The following EPB41 variants were observed in gnomAD, a reference collection of about 807,000 sequenced individuals.
EPB41 encodes erythrocyte membrane protein band 4.1, also known as protein 4.1.
Under a neutral mutation model 108.0 loss-of-function variants are expected in EPB41, and 65 were observed. The observed-to-expected ratio is 0.60, with a 90% CI of 0.49 to 0.74. The LOEUF is 0.74. Among genes scored for constraint, EPB41 ranks in the 30% least tolerant of loss-of-function variants. EPB41 has a pLI of 0.00. For synonymous variants in EPB41, 336 were observed against 358.9 expected (o/e 0.94, Z 0.72); for missense variants, 875 against 1,037.0 (o/e 0.84, Z 2.15).
chr1:29,095,563 G>A (rs1190138096), intron 16 of EPB41, among the ~76,000 whole-genome samples: 2 of 152,116 alleles, frequency 1.3e-5, no homozygotes, highest in Non-Finnish European at 2.9e-5. Flanking sequence ...GAGAGGCCAG[G>A]AGTTTGAGAT....
intron 1 of EPB41, among the ~76,000 whole-genome samples, chr1:28,967,254 G>A (rs1333438024): frequency 6.6e-6 from 1 of 152,052 alleles, no homozygotes; most frequent in African/African-American, 2.4e-5. Flanking sequence ...TCCTGACCTC[G>A]TGATCCACCC....
chr1:29,063,949 T>C (rs1006200805), intron 15 of EPB41, among the ~76,000 whole-genome samples: 1 of 152,322 alleles, frequency 6.6e-6, no homozygotes. Context: ...GAATATTATT[T>C]CTAACTCATG....
intron 6 of EPB41, among the ~76,000 whole-genome samples, chr1:29,016,238 C>T (rs1444967723): frequency 1.3e-5 from 2 of 151,934 alleles, no homozygotes; most frequent in Non-Finnish European, 2.9e-5. Flanking sequence ...TGCAATGGCA[C>T]GATCCTGGCT....
At chr1:29,080,681 G>T (rs1031804780) in intron 16 of EPB41, among the ~76,000 whole-genome samples, 2 of 152,148 alleles carry the variant, frequency 1.3e-5, no homozygotes, top group Non-Finnish European at 2.9e-5. Flanking sequence ...GAGCCACTGA[G>T]CCTGGTTTTG....
chr1:28,993,274 C>T lies in EPB41; in HGVS notation c.469-56C>T. ...AGATTATTATAGGTAAAAGCATATACAGCATGTTTTGTGAAATGTGTTTAT... is the reference window on the plus strand; with the variant it reads ...AGATTATTATAGGTAAAAGCATATATAGCATGTTTTGTGAAATGTGTTTAT... On this transcript the variant is annotated intron_variant, in intron 2 of 20. Coordinates refer to ENST00000343067, the MANE Select transcript of EPB41 (RefSeq NM_001376013.1). 2.9e-6 allele frequency: 4 copies of T among 1,369,396 alleles called. No homozygotes were observed. In the South Asian group the frequency reaches 3.5e-5, roughly 12 times the overall value. 84.8% of individuals were successfully genotyped at this position (1,369,396 alleles called of 1,614,324 possible).
chr1:29,003,308 A>T (rs1469884117), intron 4 of EPB41, among the ~76,000 whole-genome samples: 1 of 152,224 alleles, frequency 6.6e-6, no homozygotes, highest in East Asian at 1.9e-4. Flanking sequence ...CATTTTATAG[A>T]TGAGGAAACT....
chr1:29,050,029 C>T (rs1271067878), intron 11 of EPB41, among the ~76,000 whole-genome samples: 1 of 152,144 alleles, frequency 6.6e-6, no homozygotes, highest in Non-Finnish European at 1.5e-5. Flanking sequence ...TTAAAAAAAG[C>T]CATGATCACT....
At chr1:29,045,569 G>A (rs1642918534) in intron 11 of EPB41, among the ~76,000 whole-genome samples, 1 of 142,084 alleles carries the variant, frequency 7.0e-6, no homozygotes, top group African/African-American at 2.6e-5. Context: ...TGCCCAGGCT[G>A]GTCTCAAATT....
At chr1:29,032,333 T>G (rs535738672) in intron 8 of EPB41, among the ~76,000 whole-genome samples, 12 of 152,280 alleles carry the variant, frequency 7.9e-5, no homozygotes, top group African/African-American at 2.9e-4. Flanking sequence ...GCAAATTGTT[T>G]CTCCAAAGTG....
intron 9 of EPB41, 137 bp downstream of exon 9, chr1:29,033,382 T>C (rs1426597652): frequency 1.0e-6 from 1 of 1,003,216 alleles, no homozygotes; most frequent in Admixed American, 2.1e-5. Context: ...TTCCGTTTTC[T>C]AAGTTGATCA....
At chr1:28,977,870 T>G (rs2095644879) in intron 1 of EPB41, among the ~76,000 whole-genome samples, 1 of 152,024 alleles carries the variant, frequency 6.6e-6, no homozygotes, top group Non-Finnish European at 1.5e-5. Flanking sequence ...TTTTTCTTTT[T>G]GCTATTTATT....
intron 1 of EPB41, among the ~76,000 whole-genome samples, chr1:28,979,078 T>C (rs2095673046): frequency 6.6e-6 from 1 of 151,460 alleles, no homozygotes; most frequent in Non-Finnish European, 1.5e-5. Flanking sequence ...AGATTTGATA[T>C]TAGAGAAGCT....
At chr1:29,054,381 A>G (rs984478059) in intron 12 of EPB41, 2 of 152,160 alleles carry the variant, frequency 1.3e-5, no homozygotes, top group African/African-American at 4.8e-5. Flanking sequence ...ACATTTTTAT[A>G]TGTCTGTTAA....
In EPB41 at chr1:28,977,765, C is replaced by T. The variant is rs548089345; in HGVS notation, c.-7-9666C>T. Among the ~76,000 whole-genome samples the T allele has an allele frequency of 1.1e-4, 16 of 152,252 alleles. No individual in the cohort carries two copies. The South Asian group carries it at 2.7e-3, about 26-fold the overall frequency. ...GTCCTATCATTTGTAACACGAGGAA[C>T]ATGACTGCATGGCATTTGTCTGGAA... On this transcript the variant is annotated intron_variant, in intron 1 of 20. Transcript: ENST00000343067.
At chr1:28,938,532 T>TG (rs2094141428) in intron 1 of EPB41, among the ~76,000 whole-genome samples, 2 of 134,876 alleles carry the variant, frequency 1.5e-5, no homozygotes, top group Admixed American at 7.8e-5. Context: ...AGTTGATTTT[T>TG]GAATTTTTTT....
At chr1:29,027,367 C>T (rs772091703) in intron 7 of EPB41, among the ~76,000 whole-genome samples, 11 of 146,200 alleles carry the variant, frequency 7.5e-5, no homozygotes, top group South Asian at 4.3e-4. Flanking sequence ...GAGTTTCATT[C>T]GTTGCCCAGG....
intron 1 of EPB41, among the ~76,000 whole-genome samples, chr1:28,890,118 A>G (rs2089963558): frequency 6.6e-6 from 1 of 151,884 alleles, no homozygotes; most frequent in Non-Finnish European, 1.5e-5. Context: ...GCTCACTGCA[A>G]CCTTCACCTC....
chr1:28,927,772 G>A (rs1350837558), intron 1 of EPB41, among the ~76,000 whole-genome samples: 1 of 152,060 alleles, frequency 6.6e-6, no homozygotes, highest in African/African-American at 2.4e-5. Flanking sequence ...TAAGGATATG[G>A]GATTTGGAGT....
intron 12 of EPB41, among the ~76,000 whole-genome samples, chr1:29,055,720 C>T (rs568244900): frequency 1.3e-5 from 2 of 150,772 alleles, no homozygotes; most frequent in Non-Finnish European, 2.9e-5. Context: ...GAGGCCAGGA[C>T]GGGTGGATCA....
Sources: gnomAD v4.1 joint callset for allele counts (sites outside exome capture counted in the v4.1 genomes callset) on GRCh38, gnomAD v4.1.1 for gene constraint, MANE v1.5 for transcripts, NCBI Gene and HGNC (gene_info 2026-07-23, HGNC 2026-07-21) for gene names.